The following NCOA7 variants were observed in gnomAD, a reference collection of about 807,000 sequenced individuals.
NCOA7 encodes nuclear receptor coactivator 7, also known as 140 kDa estrogen receptor-associated protein.
NCOA7 carries 45 observed loss-of-function variants against 104.3 expected under a neutral mutation model. The observed-to-expected ratio is 0.43, with a 90% CI of 0.34 to 0.55. The LOEUF (loss-of-function observed/expected upper bound fraction) is 0.55. NCOA7 is among the 20% of genes least tolerant of loss of function. The pLI is 0.02. For synonymous variants in NCOA7, 398 were observed against 402.3 expected, an observed-to-expected ratio of 0.99 and a Z score of 0.13; for missense variants, 1,041 against 1,119.7, an observed-to-expected ratio of 0.93 and a Z score of 1.00.
chr6:125,860,083 A>C (rs1373160639), intron 3 of NCOA7, among the ~76,000 whole-genome samples: 1 of 152,182 alleles, frequency 6.6e-6, no homozygotes, highest in Non-Finnish European at 1.5e-5. Context: ...CATCAAAAAA[A>C]CCTTCCAGAA....
chr6:125,781,193 T>C (rs1291968608), exon 1 of NCOA7: 1 of 152,234 alleles, frequency 6.6e-6, no homozygotes, highest in African/African-American at 2.4e-5. Flanking sequence ...CAGAGGGCAG[T>C]AAGATATAAC....
intron 10 of NCOA7, among the ~76,000 whole-genome samples, chr6:125,906,931 A>T (rs1215293751): frequency 6.6e-6 from 1 of 152,236 alleles, no homozygotes; most frequent in Non-Finnish European, 1.5e-5. Flanking sequence ...TCCCCCAGGT[A>T]AATTGTAAAA....
chr6:125,895,607 C>T (rs1457673046), intron 10 of NCOA7, among the ~76,000 whole-genome samples: 1 of 152,164 alleles, frequency 6.6e-6, no homozygotes, highest in Non-Finnish European at 1.5e-5. Context: ...AAAGGTTTAA[C>T]TGGCACACAG....
chr6:125,911,518 CTG>C (rs913844338), intron 10 of NCOA7, among the ~76,000 whole-genome samples: 4 of 152,244 alleles, frequency 2.6e-5, no homozygotes, highest in African/African-American at 9.6e-5. Flanking sequence ...CTTATTCAAA[CTG>C]GAGTCGCTCT....
chr6:125,879,406 A>G (rs545039134), intron 5 of NCOA7, among the ~76,000 whole-genome samples: 1 of 152,210 alleles, frequency 6.6e-6, no homozygotes, highest in Admixed American at 6.5e-5. Flanking sequence ...GTCTCTTTGC[A>G]TTAATTATAT....
At chr6:125,902,232 G>A (rs1785569232) in intron 10 of NCOA7, among the ~76,000 whole-genome samples, 1 of 152,134 alleles carries the variant, frequency 6.6e-6, no homozygotes, top group Admixed American at 6.5e-5. Context: ...GTCTATATCA[G>A]CAAGATTTTA....
intron 10 of NCOA7, among the ~76,000 whole-genome samples, chr6:125,894,329 G>A (rs555848110): frequency 2.0e-4 from 30 of 152,142 alleles, no homozygotes; most frequent in African/African-American, 6.3e-4. Context: ...CACTGGTCGC[G>A]TACTAGACTC....
intron 4 of NCOA7, among the ~76,000 whole-genome samples, chr6:125,875,689 C>T (rs936162702): frequency 6.6e-6 from 1 of 152,198 alleles, no homozygotes; most frequent in African/African-American, 2.4e-5. Context: ...AATCATGTTG[C>T]TTAACTTAAT....
chr6:125,919,681 A>G lies in NCOA7; in HGVS notation c.2245-1262A>G, dbSNP rs562752236. Among the ~76,000 whole-genome samples, 3 of 152,328 alleles carry G rather than the reference A, an allele frequency of 2.0e-5. No homozygotes were observed. In the East Asian group the frequency reaches 5.8e-4, roughly 29 times the overall value. On this transcript the variant is annotated intron_variant, in intron 11 of 15. Coordinates refer to ENST00000392477, the MANE Select transcript of NCOA7 (RefSeq NM_181782.5). ...TTGTGATAAACACAGAGTTTGCTGA[A>G]AACAGAGTGTTTTATTTCATTCATT...
At chr6:125,852,040 T>C (rs1781175902) in intron 2 of NCOA7, among the ~76,000 whole-genome samples, 1 of 152,214 alleles carries the variant, frequency 6.6e-6, no homozygotes, top group South Asian at 2.1e-4. Context: ...TCCCATTCTG[T>C]CTGTTTACTC....
chr6:125,799,740 C>T (rs1330370006), intron 1 of NCOA7, among the ~76,000 whole-genome samples: 1 of 152,120 alleles, frequency 6.6e-6, no homozygotes, highest in Non-Finnish European at 1.5e-5. Context: ...CTTTGCCGGG[C>T]CAGTTCTTAT....
chr6:125,853,713 A>C (rs2326242), intron 2 of NCOA7, among the ~76,000 whole-genome samples: 81,818 of 151,958 alleles, frequency 0.54, 22,327 homozygotes, highest in East Asian at 0.73. Context: ...ATATTTTACT[A>C]TTTCTGTTTC....
intron 1 of NCOA7, among the ~76,000 whole-genome samples, chr6:125,785,427 G>T (rs1028481): frequency 0.41 from 62,186 of 151,916 alleles, 14,270 homozygotes; most frequent in East Asian, 0.7. Flanking sequence ...AATTTTGTAA[G>T]ACATTAATCA....
intron 3 of NCOA7, among the ~76,000 whole-genome samples, chr6:125,871,696 A>G (rs1782923525): frequency 6.6e-6 from 1 of 152,144 alleles, no homozygotes; most frequent in South Asian, 2.1e-4. Flanking sequence ...GGTTTATTCA[A>G]CTATAAATAC....
At chr6:125,869,649 G>A (rs886437090) in intron 3 of NCOA7, among the ~76,000 whole-genome samples, 1 of 152,226 alleles carries the variant, frequency 6.6e-6, no homozygotes, top group African/African-American at 2.4e-5. Flanking sequence ...GAGAGAGCAC[G>A]TGAGACTACT....
At chr6:125,918,422 G>A (rs1787266266) in intron 11 of NCOA7, among the ~76,000 whole-genome samples, 1 of 152,142 alleles carries the variant, frequency 6.6e-6, no homozygotes. Context: ...TGCTGGCCGT[G>A]GACTGGTCTC....
chr6:125,866,233 G>T (rs1295101477), intron 3 of NCOA7, among the ~76,000 whole-genome samples: 3 of 151,912 alleles, frequency 2.0e-5, no homozygotes, highest in Admixed American at 6.6e-5. Flanking sequence ...GGAGGCTGAG[G>T]CAGGAGAATC....
At chr6:125,856,847 TG>T (rs1781604602) in intron 3 of NCOA7, among the ~76,000 whole-genome samples, 1 of 152,180 alleles carries the variant, frequency 6.6e-6, no homozygotes, top group Non-Finnish European at 1.5e-5. Context: ...GTCCTAAACT[TG>T]GTCCAAGGTA....
At chr6:125,872,761 GTAAAATA>G (rs1040701661) in intron 3 of NCOA7, among the ~76,000 whole-genome samples, 4 of 152,178 alleles carry the variant, frequency 2.6e-5, no homozygotes, top group African/African-American at 9.6e-5. Flanking sequence ...CATAAGATTC[GTAAAATA>G]TGGTGATTGC....
Sources: gnomAD v4.1 joint callset for allele counts (sites outside exome capture counted in the v4.1 genomes callset) on GRCh38, gnomAD v4.1.1 for gene constraint, MANE v1.5 for transcripts, NCBI Gene and HGNC (gene_info 2026-07-23, HGNC 2026-07-21) for gene names.